Variants in LRBA observed in about 807,000 individuals in gnomAD.
LRBA encodes lipopolysaccharide-responsive and beige-like anchor protein.
LRBA carries 176 observed loss-of-function variants against 330.0 expected under a neutral mutation model. The observed-to-expected ratio is 0.53, with a 90% CI of 0.47 to 0.60. The LOEUF (loss-of-function observed/expected upper bound fraction) is 0.60. Ranked by LOEUF, LRBA falls within the 20% of genes least tolerant of loss-of-function variation. The pLI is 0.00. For synonymous variants in LRBA, 1,230 were observed against 1,193.0 expected (o/e 1.03, Z -0.64); for missense variants, 3,259 against 3,444.8 (o/e 0.95, Z 1.35).
At chr4:150,317,049 A>G (rs564537775) in intron 50 of LRBA, among the ~76,000 whole-genome samples, 7 of 152,214 alleles carry the variant, frequency 4.6e-5, no homozygotes, top group African/African-American at 1.4e-4. Flanking sequence ...ATGAGGTCCT[A>G]TGTGAAACCT....
intron 17 of LRBA, among the ~76,000 whole-genome samples, chr4:150,877,364 G>A (rs1217716482): frequency 2.6e-5 from 4 of 151,140 alleles, no homozygotes; most frequent in East Asian, 1.9e-4. Flanking sequence ...CAGAGAAAAA[G>A]AGCAGGTGTC....
chr4:150,611,730 G>T (rs1385814739), intron 37 of LRBA, among the ~76,000 whole-genome samples: 2 of 152,008 alleles, frequency 1.3e-5, no homozygotes, highest in Non-Finnish European at 2.9e-5. Context: ...GTAGTGCAGG[G>T]TCAGTATTTG....
chr4:150,978,004 A>G (rs898223706), intron 2 of LRBA, among the ~76,000 whole-genome samples: 2 of 152,260 alleles, frequency 1.3e-5, no homozygotes, highest in African/African-American at 4.8e-5. Flanking sequence ...GGCTTCGCCA[A>G]CTGCTGATGG....
chr4:150,998,092 C>T (rs1037402877), intron 2 of LRBA, among the ~76,000 whole-genome samples: 11 of 151,476 alleles, frequency 7.3e-5, no homozygotes, highest in Non-Finnish European at 1.5e-4. Flanking sequence ...TGGCTCATAC[C>T]TGTAATCCCA....
intron 52 of LRBA, among the ~76,000 whole-genome samples, chr4:150,306,054 T>A (rs956717407): frequency 2.6e-5 from 4 of 152,208 alleles, no homozygotes; most frequent in African/African-American, 9.6e-5. Context: ...ATTTTCTAGT[T>A]AATGTTTTAT....
At chr4:150,482,935 A>C (rs1273806508) in intron 42 of LRBA, among the ~76,000 whole-genome samples, 2 of 152,040 alleles carry the variant, frequency 1.3e-5, no homozygotes, top group Non-Finnish European at 2.9e-5. Context: ...ATCACACATA[A>C]GTTGAACAAA....
intron 30 of LRBA, among the ~76,000 whole-genome samples, chr4:150,823,567 A>AT (rs962537540): frequency 4.0e-5 from 6 of 151,604 alleles, no homozygotes; most frequent in African/African-American, 9.7e-5. Flanking sequence ...TTTTCCAATG[A>AT]TTTTTTTTCA....
At chr4:150,834,865 A>G (rs548729298) in intron 28 of LRBA, among the ~76,000 whole-genome samples, 8 of 152,208 alleles carry the variant, frequency 5.3e-5, no homozygotes, top group Non-Finnish European at 7.3e-5. Context: ...TGTTTTAGAC[A>G]TGAAGTCCTT....
At chr4:150,914,045 T>C (rs1732296626) in intron 9 of LRBA, 150 bp downstream of exon 9, 2 of 549,532 alleles carry the variant, frequency 3.6e-6, no homozygotes, top group Non-Finnish European at 6.3e-6. Context: ...ACAGTTATTA[T>C]TGACTATAGT....
At chr4:150,467,596 A>T in intron 44 of LRBA, 77 bp downstream of exon 44, 1 of 899,296 alleles carries the variant, frequency 1.1e-6, no homozygotes, top group Non-Finnish European at 1.7e-6. Context: ...TTTTAAGTTA[A>T]GTAAAATAAC....
chr4:150,693,224 C>A (rs1186252557), intron 36 of LRBA, among the ~76,000 whole-genome samples: 1 of 152,046 alleles, frequency 6.6e-6, no homozygotes, highest in Non-Finnish European at 1.5e-5. Flanking sequence ...AATAAAATTT[C>A]CAGAATAAAA....
chr4:150,357,745 T>A (rs1275334931), intron 47 of LRBA, among the ~76,000 whole-genome samples: 1 of 151,944 alleles, frequency 6.6e-6, no homozygotes, highest in Admixed American at 6.6e-5. Flanking sequence ...TTTGCAAGCC[T>A]TTGCTCAGAA....
At chr4:150,915,582 C>A in intron 8 of LRBA, 26 bp downstream of exon 8, 1 of 1,582,312 alleles carries the variant, frequency 6.3e-7, no homozygotes, top group Admixed American at 1.9e-5. Flanking sequence ...TCACTTTTTT[C>A]ATTGCAACAT....
intron 28 of LRBA, among the ~76,000 whole-genome samples, chr4:150,842,721 G>A (rs1285330608): frequency 6.6e-6 from 1 of 152,118 alleles, no homozygotes; most frequent in African/African-American, 2.4e-5. Context: ...GATTCCCTAA[G>A]TCCTAAACTC....
intron 38 of LRBA, among the ~76,000 whole-genome samples, chr4:150,592,153 T>TG (rs1772951296): frequency 7.0e-6 from 1 of 141,902 alleles, no homozygotes. Context: ...GGTTTTTTTT[T>TG]TTTTTTTTTT....
At chr4:150,494,167 T>A (rs1218986313) in intron 40 of LRBA, among the ~76,000 whole-genome samples, 1 of 152,132 alleles carries the variant, frequency 6.6e-6, no homozygotes, top group African/African-American at 2.4e-5. Context: ...TGGCAGAAAA[T>A]GGCCTATACC....
intron 31 of LRBA, among the ~76,000 whole-genome samples, chr4:150,816,240 C>T (rs1744576342): frequency 6.6e-6 from 1 of 151,968 alleles, no homozygotes. Flanking sequence ...CAGGCCATTC[C>T]TTCAAAATTC....
At chr4:150,824,153 G>C (rs761210117) in intron 30 of LRBA, among the ~76,000 whole-genome samples, 1 of 151,918 alleles carries the variant, frequency 6.6e-6, no homozygotes, top group Non-Finnish European at 1.5e-5. Context: ...TTCTTTGGCT[G>C]TTTATTCCTA....
chr4:150,324,089 T>TC (rs1278144520), intron 49 of LRBA, among the ~76,000 whole-genome samples: 6 of 152,250 alleles, frequency 3.9e-5, no homozygotes, highest in African/African-American at 1.4e-4. Context: ...AAAGACGGCC[T>TC]CCCATCCTTA....
Sources: allele counts gnomAD v4.1 joint callset (sites outside exome capture counted in the v4.1 genomes callset), GRCh38; gene constraint gnomAD v4.1.1; transcripts MANE v1.5; gene names NCBI Gene and HGNC (gene_info 2026-07-23, HGNC 2026-07-21).